Variants in IRX4 observed in about 807,000 individuals in gnomAD.
IRX4 encodes iroquois-class homeodomain protein IRX-4.
In IRX4, 22 loss-of-function variants were observed where a neutral mutation model predicts 32.0. The observed-to-expected ratio is 0.69, with a 90% CI of 0.49 to 0.98. IRX4 has a LOEUF of 0.98. IRX4 is among the 50% of genes least tolerant of loss of function. IRX4 has a pLI of 0.00. For synonymous variants in IRX4, 379 were observed against 351.7 expected (o/e 1.08, Z -0.87); for missense variants, 840 against 744.2 (o/e 1.13, Z -1.50).
In IRX4 at chr5:1,877,619, C is replaced by T. The variant is rs140328180; in HGVS notation, c.*350G>A. On this transcript the variant is annotated 3_prime_UTR_variant, in exon 5 of 5. Transcript: ENST00000231357. ...GGCCCGACAGGCCCAGGAGGCCTCACGCCCAGGGGACAGCAGACCACGCTT... is the reference window on the plus strand; with the variant it reads ...GGCCCGACAGGCCCAGGAGGCCTCATGCCCAGGGGACAGCAGACCACGCTT... The T allele has an allele frequency of 5.4e-5, 16 of 295,504 alleles. No individual in the cohort carries two copies. Among genetic ancestry groups the T allele is most frequent in the South Asian group, 1.3e-4 (2 of 15,336 alleles). The allele number at this position is 295,504 out of a possible 1,614,324, so 18.3% of individuals were successfully genotyped here.
Position 1,877,770 on chromosome 5 carries a change from C to T in IRX4, c.*199G>A. The T allele has an allele frequency of 1.8e-6, 1 of 567,536 alleles. No individual in the cohort carries two copies. The highest frequency in any genetic ancestry group is 3.0e-6 in the Non-Finnish European group (1 of 333,596). 35.2% of individuals were successfully genotyped at this position (567,536 alleles called of 1,614,324 possible). On this transcript the variant is annotated 3_prime_UTR_variant, in exon 5 of 5. Coordinates refer to ENST00000231357, the MANE Select transcript of IRX4 (RefSeq NM_016358.3). ...AATTTGGGAATGGCCCGGTCAGGCT[C>T]AGGCCCAGGCGGTGGAGGCCCCGGC...
intron 2 of IRX4, among the ~76,000 whole-genome samples, chr5:1,881,309 A>C (rs1163407517): frequency 1.1e-5 from 1 of 91,858 alleles, no homozygotes; most frequent in Non-Finnish European, 2.1e-5. Context: ...AGAAATGGGG[A>C]GGCGCAAGGC....
intron 2 of IRX4, 65 bp downstream of exon 2, chr5:1,881,743 G>A: frequency 6.5e-7 from 1 of 1,544,964 alleles, no homozygotes; most frequent in Non-Finnish European, 8.8e-7. Flanking sequence ...CGCCTACTGG[G>A]GCAAAAGTGG....
intron 1 of IRX4, 129 bp from the exon 2 acceptor site, chr5:1,882,188 A>T (rs1735473329): frequency 8.8e-7 from 1 of 1,134,344 alleles, no homozygotes; most frequent in Non-Finnish European, 1.2e-6. Flanking sequence ...CGTCCACACC[A>T]GGATGCTCGC....
chr5:1,879,942 C>T (rs1011405458), intron 3 of IRX4, 110 bp from the exon 4 acceptor site: 27 of 1,531,240 alleles, frequency 1.8e-5, no homozygotes, highest in Admixed American at 5.9e-5. Context: ...TTTGCTTCCC[C>T]GTCGTGGGGT....
chr5:1,881,755 C>T (rs559817312), intron 2 of IRX4, 53 bp downstream of exon 2: 2 of 1,554,234 alleles, frequency 1.3e-6, no homozygotes, highest in African/African-American at 2.7e-5. Flanking sequence ...CAAAAGTGGG[C>T]TTGGCAAATC....
At chr5:1,881,733 C>T (rs547887077) in intron 2 of IRX4, 75 bp downstream of exon 2, 38 of 1,526,956 alleles carry the variant, frequency 2.5e-5, no homozygotes, top group Non-Finnish European at 3.2e-5. Context: ...CGGACTGGCG[C>T]GCCTACTGGG....
At chr5:1,886,678 G>T (rs1484871458), upstream of IRX4, among the ~76,000 whole-genome samples, 1 of 152,100 alleles carries the variant, frequency 6.6e-6, no homozygotes, top group Admixed American at 6.5e-5. Flanking sequence ...CGGGCGTCCA[G>T]GACTCAGGCC....
intron 2 of IRX4, 117 bp downstream of exon 2, chr5:1,881,691 G>A (rs1735445241): frequency 7.7e-6 from 10 of 1,290,616 alleles, no homozygotes; most frequent in Non-Finnish European, 8.6e-6. Flanking sequence ...CAGCCAAGGT[G>A]AGCGCCTCCC....
In IRX4 at chr5:1,879,685, G is replaced by T; in HGVS notation, c.555C>A (p.Thr185=). The T allele has an allele frequency of 1.2e-6, 2 of 1,614,226 alleles. No homozygotes were observed. The highest frequency in any genetic ancestry group is 1.7e-6 in the Non-Finnish European group (2 of 1,180,034). Residue 185 remains threonine, a synonymous_variant, in exon 4 of 5, where the codon ACC becomes ACA. Coordinates refer to ENST00000231357, the MANE Select transcript of IRX4 (RefSeq NM_016358.3). ...CGAACCAGGTGGAGACCTGTGTGAG[G>T]GTCATCTTGGTGATGATGGCCAGCA... ...KIMLAIITKM[T]LTQVSTWFAN... is the part of the protein sequence containing the mutation.
Position 1,878,285 on chromosome 5 carries a change from G to T in IRX4, c.1244C>A (p.Ser415Tyr). ...GGCGCCAGAGTGGGGAAGGGCCACA[G>T]ACGGGGACGTGGCGGGCGCGGAGGA... Reference protein sequence around the residue: ...AVSSAPATSPSVALPHSGALD... With the variant: ...AVSSAPATSPYVALPHSGALD... The change falls in exon 5 of 5, where the codon TCT becomes TAT. Residue 415 changes from serine to tyrosine, a missense_variant. Ser to Tyr is a moderately radical substitution (Grantham distance 144). Transcript: ENST00000231357. The T allele has an allele frequency of 6.3e-7, 1 of 1,596,882 alleles. No individual in the cohort carries two copies.
chr5:1,880,425 C>T (rs900869890), intron 3 of IRX4, among the ~76,000 whole-genome samples: 22 of 152,324 alleles, frequency 1.4e-4, no homozygotes, highest in African/African-American at 4.8e-4. Flanking sequence ...CGGGCTGCCC[C>T]GTGAACTGGG....
intron 1 of IRX4, 128 bp from the exon 2 acceptor site, chr5:1,882,187 C>T (rs1016387966): frequency 2.6e-6 from 3 of 1,146,350 alleles, no homozygotes; most frequent in African/African-American, 3.2e-5. Flanking sequence ...CCGTCCACAC[C>T]AGGATGCTCG....
At chr5:1,882,962 G>A (rs542340327), upstream of IRX4, among the ~76,000 whole-genome samples, 2 of 148,800 alleles carry the variant, frequency 1.3e-5, no homozygotes, top group South Asian at 4.2e-4. Flanking sequence ...GCGCGAACCC[G>A]TCAAGTCAGA....
chr5:1,882,293 G>C (rs1304428554), intron 1 of IRX4, among the ~76,000 whole-genome samples: 1 of 152,196 alleles, frequency 6.6e-6, no homozygotes, highest in Non-Finnish European at 1.5e-5. Flanking sequence ...CAAGGCCTCT[G>C]ACGCCATTTG....
upstream of IRX4, chr5:1,887,008 G>C (rs1735653501): frequency 6.6e-6 from 1 of 151,322 alleles, no homozygotes; most frequent in African/African-American, 2.4e-5. Flanking sequence ...CCTCGGAAGG[G>C]GGGAGGGGTC....
rs1378152781 is a variant in IRX4 at position 1,880,163 on chromosome 5, T to C, written c.408-331A>G. 6.5e-6 allele frequency: 10 copies of C among 1,531,636 alleles called. No homozygotes were observed. The South Asian group carries it at 1.2e-4, about 18-fold the overall frequency. The allele number at this position is 1,531,636 out of a possible 1,614,324, so 94.9% of individuals were successfully genotyped here. A position where few individuals can be genotyped will look rare whatever the true frequency, so the allele number is the denominator to read the frequency against. On this transcript the variant is annotated intron_variant, in intron 3 of 4. Transcript: ENST00000231357. Reference sequence around the variant, plus strand: ...TTGATCCTCAAACCATAAAAAGGTATAGACAGGTAAGCCCACACCCTGAGA... The same window carrying C: ...TTGATCCTCAAACCATAAAAAGGTACAGACAGGTAAGCCCACACCCTGAGA...
Position 1,882,679 on chromosome 5 carries a change from C to A in IRX4, c.-32G>T. ...CGCGGCCCGGGGCGGACGGGCGGGG[C>A]CTGCAGGGTTCTGCGCGCTGGGGCC... is the stretch of plus-strand genomic sequence containing the variant. On this transcript the variant is annotated 5_prime_UTR_variant, in exon 1 of 5. Coordinates refer to ENST00000231357, the MANE Select transcript of IRX4 (RefSeq NM_016358.3). 2.2e-6 allele frequency: 3 copies of A among 1,341,530 alleles called. No individual in the cohort carries two copies. Among genetic ancestry groups the A allele is most frequent in the Non-Finnish European group, 2.9e-6 (3 of 1,036,748 alleles). 83.1% of individuals were successfully genotyped at this position (1,341,530 alleles called of 1,614,324 possible). A position where few individuals can be genotyped will look rare whatever the true frequency, so the allele number is the denominator to read the frequency against.
At position 1,878,594 on chromosome 5, in the gene IRX4, C is replaced by T; in HGVS notation, c.935G>A (p.Gly312Asp). 6.4e-7 allele frequency: 1 copy of T among 1,554,502 alleles called. No individual in the cohort carries two copies. ...GALRMSLAAGGGAALDEDLER... is the reference protein window; with the variant it reads ...GALRMSLAAGDGAALDEDLER... Reference sequence around the variant, plus strand: ...CAGGTCCTCGTCCAGAGCAGCTCCGCCACCCGCGGCCAGAGACATCCGGAG... The same window carrying T: ...CAGGTCCTCGTCCAGAGCAGCTCCGTCACCCGCGGCCAGAGACATCCGGAG... The change falls in exon 5 of 5, where the codon GGC (glycine) becomes GAC (aspartate). Residue 312 changes from glycine (G) to aspartate (D), a missense_variant. By Grantham distance (94) the Gly-to-Asp change is moderately conservative (BLOSUM62 -1). Around this residue, in one of 3 missense-constraint regions of IRX4, gnomAD observed 585 missense variants for 488.0 expected, o/e 1.20. Transcript: ENST00000231357.
Sources: gnomAD v4.1 joint callset for allele counts (sites outside exome capture counted in the v4.1 genomes callset) on GRCh38, gnomAD v4.1.1 for gene constraint, gnomAD v4.1.1 regional missense constraint, MANE v1.5 for transcripts, NCBI Gene and HGNC (gene_info 2026-07-23, HGNC 2026-07-21) for gene names.